Variants in KLF8 observed in about 807,000 individuals in gnomAD.
KLF8 encodes Krueppel-like factor 8.
A neutral mutation model predicts 18.2 loss-of-function variants in KLF8; 10 were observed. That is an observed-to-expected ratio of 0.55 (90% confidence interval 0.34 to 0.93). The LOEUF (loss-of-function observed/expected upper bound fraction) is 0.93, where lower values mean the gene tolerates loss of function less well. KLF8 is among the 40% of genes least tolerant of loss of function. The pLI is 0.02. For synonymous variants in KLF8, 109 were observed against 97.3 expected (o/e 1.12, Z -0.71); for missense variants, 264 against 277.9 (o/e 0.95, Z 0.36).
intron 5 of KLF8, among the ~76,000 whole-genome samples, chrX:56,272,220 T>G (rs2067066294): frequency 9.0e-6 from 1 of 110,607 alleles, no homozygotes; most frequent in African/African-American, 3.3e-5. Flanking sequence ...TCACTACATT[T>G]TTTTTTTTGA....
the KLF8 span, among the ~76,000 whole-genome samples, chrX:56,102,772 T>A: frequency 9.0e-6 from 1 of 111,061 alleles, no homozygotes; most frequent in African/African-American, 3.3e-5. Context: ...TTTATTATAC[T>A]TTAAGTTCTA....
chrX:56,198,323 G>A, the KLF8 span, among the ~76,000 whole-genome samples: 2 of 111,745 alleles, frequency 1.8e-5, no homozygotes, highest in African/African-American at 3.2e-5. Context: ...TGACTTGATG[G>A]TATATTTAAA....
At chrX:56,054,178 C>T in the KLF8 span, among the ~76,000 whole-genome samples, 1 of 110,469 alleles carries the variant, frequency 9.1e-6, no homozygotes, top group Non-Finnish European at 1.9e-5. Context: ...GTCGCCCAGG[C>T]TGGAGTGCAG....
chrX:56,239,882 C>T (rs917875049), intron 1 of KLF8, among the ~76,000 whole-genome samples: 3 of 111,322 alleles, frequency 2.7e-5, no homozygotes, highest in Non-Finnish European at 5.7e-5. Context: ...CTTCTATTTG[C>T]CATTTTTCTT....
chrX:56,214,818 C>T, the KLF8 span, among the ~76,000 whole-genome samples: 2 of 112,058 alleles, frequency 1.8e-5, no homozygotes, highest in African/African-American at 3.2e-5. Flanking sequence ...TACTCAGCAT[C>T]ACAGAGCCAG....
the KLF8 span, among the ~76,000 whole-genome samples, chrX:55,958,503 T>C: frequency 8.9e-6 from 1 of 112,104 alleles, no homozygotes; most frequent in Non-Finnish European, 1.9e-5. Flanking sequence ...TAATTTTTGC[T>C]ATTTTCTTTT....
At chrX:56,105,777 T>C in the KLF8 span, among the ~76,000 whole-genome samples, 3 of 111,801 alleles carry the variant, frequency 2.7e-5, no homozygotes, top group South Asian at 7.4e-4. Flanking sequence ...TAGGTAGTTA[T>C]TTTGCCCATT....
At chrX:56,012,192 C>T in the KLF8 span, among the ~76,000 whole-genome samples, 62 of 111,741 alleles carry the variant, frequency 5.5e-4, 1 homozygote, top group East Asian at 0.016. Context: ...AATATTGATG[C>T]CAAAATTTTC....
the KLF8 span, among the ~76,000 whole-genome samples, chrX:56,036,663 G>A: frequency 8.9e-6 from 1 of 111,758 alleles, no homozygotes; most frequent in African/African-American, 3.2e-5. Context: ...GGTATTTAGA[G>A]TCTTTTGTAG....
chrX:56,196,048 C>T, the KLF8 span, among the ~76,000 whole-genome samples: 1 of 111,168 alleles, frequency 9.0e-6, no homozygotes, highest in Admixed American at 9.6e-5. Flanking sequence ...ATTATGTCAC[C>T]ACCAGGACTG....
chrX:55,909,984 GA>G, the KLF8 span, among the ~76,000 whole-genome samples: 2 of 111,892 alleles, frequency 1.8e-5, no homozygotes, highest in South Asian at 7.6e-4. Context: ...CAGGACTGTG[GA>G]TAGAGCCTAA....
the KLF8 span, among the ~76,000 whole-genome samples, chrX:55,952,085 A>T: frequency 8.9e-6 from 1 of 111,925 alleles, no homozygotes; most frequent in Non-Finnish European, 1.9e-5. Flanking sequence ...GGAGGGAAAA[A>T]TACTTTTTTG....
the KLF8 span, among the ~76,000 whole-genome samples, chrX:56,171,048 G>A: frequency 1.8e-5 from 2 of 111,910 alleles, no homozygotes; most frequent in African/African-American, 6.5e-5. Context: ...AGAAAAGGAT[G>A]TTAATGAGCA....
chrX:56,136,170 A>G, the KLF8 span, among the ~76,000 whole-genome samples: 1 of 111,835 alleles, frequency 8.9e-6, no homozygotes, highest in East Asian at 2.8e-4. Flanking sequence ...AAATGACCAT[A>G]CTGCCCAAGG....
At chrX:56,029,035 A>G in the KLF8 span, among the ~76,000 whole-genome samples, 2 of 110,907 alleles carry the variant, frequency 1.8e-5, no homozygotes, top group African/African-American at 6.6e-5. Context: ...ATGTGCCTGT[A>G]TTCCTTCAAG....
chrX:56,053,380 T>G, the KLF8 span, among the ~76,000 whole-genome samples: 1 of 111,777 alleles, frequency 8.9e-6, no homozygotes, highest in Non-Finnish European at 1.9e-5. Context: ...TCTTGGTGGA[T>G]AAGTTTTTTA....
chrX:56,045,875 G>T, the KLF8 span, among the ~76,000 whole-genome samples: 1 of 111,464 alleles, frequency 9.0e-6, no homozygotes, highest in Non-Finnish European at 1.9e-5. Context: ...AGGAATTCCA[G>T]TACTATGTTG....
chrX:56,036,208 T>G, the KLF8 span, among the ~76,000 whole-genome samples: 2 of 112,038 alleles, frequency 1.8e-5, no homozygotes, highest in Non-Finnish European at 3.8e-5. Context: ...AGCATATTTA[T>G]CATCTCATCT....
the KLF8 span, among the ~76,000 whole-genome samples, chrX:55,944,368 C>T: frequency 4.5e-5 from 5 of 110,439 alleles, no homozygotes; most frequent in Non-Finnish European, 7.6e-5. Flanking sequence ...GGAGGATTCC[C>T]TCTTTTTCTA....
Sources: allele counts gnomAD v4.1 joint callset (sites outside exome capture counted in the v4.1 genomes callset), GRCh38; gene constraint gnomAD v4.1.1; transcripts MANE v1.5; gene names NCBI Gene and HGNC (gene_info 2026-07-23, HGNC 2026-07-21).